TBC1D4: variants seen among roughly 807,000 people sequenced by gnomAD.
The protein encoded by TBC1D4 is TBC1 domain family member 4.
TBC1D4 carries 121 observed loss-of-function variants against 142.5 expected under a neutral mutation model. The observed-to-expected ratio is 0.85, with a 90% confidence interval of 0.73 to 0.99. The LOEUF is 0.99. TBC1D4 is among the 50% of genes least tolerant of loss of function. The pLI is 0.00. For missense variants in TBC1D4, 1,475 were observed against 1,606.6 expected, an observed-to-expected ratio of 0.92 and a Z score of 1.40; for synonymous variants, 630 against 628.2, an observed-to-expected ratio of 1.00 and a Z score of -0.04.
At chr13:75,342,193 T>C (rs1411960406) in intron 5 of TBC1D4, among the ~76,000 whole-genome samples, 1 of 151,776 alleles carries the variant, frequency 6.6e-6, no homozygotes, top group African/African-American at 2.4e-5. Context: ...TGAGACTCCA[T>C]CTCAAAACAA....
chr13:75,294,218 T>C lies in TBC1D4; in HGVS notation c.3316+636A>G, dbSNP rs188844303. Among the ~76,000 whole-genome samples, 402 of 152,304 alleles carry C rather than the reference T, an allele frequency of 2.6e-3. 2 individuals carry two copies. The highest frequency in any genetic ancestry group is 0.011 in the Admixed American group (174 of 15,298). On this transcript the variant is annotated intron_variant, in intron 18 of 20. Coordinates refer to ENST00000377636, the MANE Select transcript of TBC1D4 (RefSeq NM_014832.5). ...CATAAACCATGTTACACTCTCTTTT[T>C]ATTCCCAATGCCAAACACTGTGCTT...
intron 1 of TBC1D4, among the ~76,000 whole-genome samples, chr13:75,416,560 C>T (rs555548574): frequency 5.9e-5 from 9 of 152,066 alleles, no homozygotes; most frequent in South Asian, 2.1e-4. Context: ...CCCAGGCATA[C>T]GGAAAGAGCA....
At chr13:75,408,139 C>T (rs1471403260) in intron 1 of TBC1D4, among the ~76,000 whole-genome samples, 2 of 152,144 alleles carry the variant, frequency 1.3e-5, no homozygotes, top group Non-Finnish European at 1.5e-5. Context: ...TTCCCCCAAA[C>T]ACTGATTTAA....
chr13:75,466,906 AAC>A (rs1440798097), intron 1 of TBC1D4, among the ~76,000 whole-genome samples: 9 of 152,040 alleles, frequency 5.9e-5, no homozygotes, highest in African/African-American at 1.9e-4. Flanking sequence ...TTAAAAAAAA[AAC>A]ATCTGAAAAA....
In TBC1D4 at chr13:75,481,477, C is replaced by G; in HGVS notation, c.291G>C (p.Pro97=). ...SAPFLRCVPA[P]GAGASGGTSP... ...TAGTGCCCCCCGAGGCCCCAGCGCC[C>G]GGCGCGGGGACGCAACGCAGGAAGG... Residue 97 remains proline (P), a synonymous_variant, in exon 1 of 21, where the codon CCG becomes CCC. Transcript: ENST00000377636. The G allele has an allele frequency of 1.2e-6, 2 of 1,613,306 alleles. No individual in the cohort carries two copies. Among genetic ancestry groups the G allele is most frequent in the Non-Finnish European group, 1.7e-6 (2 of 1,179,562 alleles).
intron 15 of TBC1D4, among the ~76,000 whole-genome samples, chr13:75,306,087 T>C (rs1242490476): frequency 6.6e-6 from 1 of 152,220 alleles, no homozygotes; most frequent in African/African-American, 2.4e-5. Flanking sequence ...ATGCATGCAC[T>C]TCTTCCTTGG....
chr13:75,315,435 T>TATATACAC (rs1878238161), intron 12 of TBC1D4, among the ~76,000 whole-genome samples: 1 of 150,150 alleles, frequency 6.7e-6, no homozygotes, highest in Non-Finnish European at 1.5e-5. Context: ...CATATATATA[T>TATATACAC]ATATATTTGC....
intron 1 of TBC1D4, 59 bp downstream of exon 1, chr13:75,481,211 C>CCCA: frequency 6.7e-7 from 1 of 1,503,380 alleles, no homozygotes; most frequent in Non-Finnish European, 9.0e-7. Flanking sequence ...CCCCTCCCGC[C>CCCA]CTGCTCCCCG....
At chr13:75,307,560 G>A (rs918473793) in intron 14 of TBC1D4, among the ~76,000 whole-genome samples, 2 of 152,050 alleles carry the variant, frequency 1.3e-5, no homozygotes, top group South Asian at 2.1e-4. Context: ...TGCTCACAGC[G>A]CTCGGCCACC....
At chr13:75,348,323 G>A (rs188295334) in intron 5 of TBC1D4, among the ~76,000 whole-genome samples, 1 of 152,028 alleles carries the variant, frequency 6.6e-6, no homozygotes, top group Non-Finnish European at 1.5e-5. Flanking sequence ...TTAATAATTT[G>A]CACTCTTCCC....
intron 1 of TBC1D4, among the ~76,000 whole-genome samples, chr13:75,450,384 C>CA (rs929023780): frequency 5.9e-5 from 9 of 152,106 alleles, no homozygotes; most frequent in African/African-American, 1.9e-4. Flanking sequence ...TTTATACTTT[C>CA]AAAAAAAGCC....
chr13:75,357,997 T>A (rs1374866975), intron 3 of TBC1D4, among the ~76,000 whole-genome samples: 4 of 13,958 alleles, frequency 2.9e-4, no homozygotes, highest in African/African-American at 1.4e-3. Context: ...TCTTTTTTCT[T>A]TCTATTTTTT....
Position 75,341,132 on chromosome 13 carries a change from C to A in TBC1D4, c.1604G>T (p.Gly535Val), listed in dbSNP as rs941462539. Residue 535 changes from glycine to valine, a missense_variant, in exon 7 of 21, where the codon GGC (glycine) becomes GTC (valine). By Grantham distance (109) the Gly-to-Val change is moderately radical (BLOSUM62 -3). This residue lies in a region of TBC1D4 where 1,227 missense variants were observed against 1,267.7 expected (regional missense o/e 0.97). Coordinates refer to ENST00000377636, the MANE Select transcript of TBC1D4 (RefSeq NM_014832.5). ...TAGGAAATATCTTCTCACAGAAGGG[C>A]CTTCCCCGATGTGCACGTGTGTCTT... ...KQKTHVHIGE[G>V]PSTISNSTIP... The A allele has an allele frequency of 6.2e-7, 1 of 1,612,920 alleles. No homozygotes were observed. Among genetic ancestry groups the A allele is most frequent in the Non-Finnish European group, 8.5e-7 (1 of 1,179,460 alleles).
intron 1 of TBC1D4, among the ~76,000 whole-genome samples, chr13:75,403,061 C>A (rs1885176692): frequency 6.6e-6 from 1 of 152,164 alleles, no homozygotes; most frequent in Non-Finnish European, 1.5e-5. Context: ...TGCTCCTGGG[C>A]CCCTCTCTCA....
chr13:75,362,284 G>T lies in TBC1D4; in HGVS notation c.822C>A (p.Thr274=). The change falls in exon 2 of 21, where the codon ACC becomes ACA. Residue 274 remains threonine (T), a synonymous_variant. Coordinates refer to ENST00000377636, the MANE Select transcript of TBC1D4 (RefSeq NM_014832.5). The surrounding 1 kb of genome is among the most constrained non-coding windows in gnomAD (Gnocchi z 4.2). ...CGGCAGGTAAGCCAAGGTGGGTGTC[G>T]GTGCCGTCAGCCTCCTCCGGCAGGC... is the stretch of plus-strand genomic sequence containing the variant. ...GDCLPEEADG[T]DTHLGLPAGA... is the part of the protein sequence containing the mutation. 2 of 1,613,728 alleles carry T rather than the reference G, an allele frequency of 1.2e-6. No homozygotes were observed. Among genetic ancestry groups the T allele is most frequent in the Non-Finnish European group, 1.7e-6 (2 of 1,179,950 alleles).
Position 75,481,551 on chromosome 13 carries a change from C to A in TBC1D4, c.217G>T (p.Gly73Cys), listed in dbSNP as rs761862519. 6.3e-7 allele frequency: 1 copy of A among 1,591,328 alleles called. No homozygotes were observed. The highest frequency in any genetic ancestry group is 8.5e-7 in the Non-Finnish European group (1 of 1,169,740). ...RRRSQKPEAGGCGAPAAREVI... is the reference protein window; with the variant it reads ...RRRSQKPEAGCCGAPAAREVI... ...TCTCGGGCCGCCGGCGCCCCGCAGC[C>A]GCCCGCCTCGGGCTTCTGGCTGCGC... The change falls in exon 1 of 21, where the codon GGC becomes TGC. Residue 73 changes from glycine to cysteine, a missense_variant. Physicochemically the swap from Gly to Cys is radical, Grantham distance 159. Coordinates refer to ENST00000377636, the MANE Select transcript of TBC1D4 (RefSeq NM_014832.5).
intron 17 of TBC1D4, among the ~76,000 whole-genome samples, chr13:75,297,421 T>C (rs544619602): frequency 6.4e-4 from 97 of 152,272 alleles, no homozygotes; most frequent in Middle Eastern, 3.4e-3. Flanking sequence ...ATCAGAATTA[T>C]TGAATTCCTT....
At chr13:75,334,229 G>T (rs76322225) in intron 8 of TBC1D4, among the ~76,000 whole-genome samples, 131 of 151,968 alleles carry the variant, frequency 8.6e-4, no homozygotes, top group African/African-American at 3.1e-3. Context: ...CGCTCATATT[G>T]TCCCAGTGGG....
intron 1 of TBC1D4, among the ~76,000 whole-genome samples, chr13:75,405,014 A>C (rs769590002): frequency 5.3e-5 from 8 of 152,092 alleles, no homozygotes; most frequent in Non-Finnish European, 8.8e-5. Flanking sequence ...AGAAGGACAA[A>C]CTATTTGGGT....
Sources: gnomAD v4.1 joint callset for allele counts (sites outside exome capture counted in the v4.1 genomes callset) on GRCh38, gnomAD v4.1.1 for gene constraint, gnomAD v4.1.1 regional missense constraint, Gnocchi (gnomAD v3.1) non-coding constraint, MANE v1.5 for transcripts, NCBI Gene and HGNC (gene_info 2026-07-23, HGNC 2026-07-21) for gene names.